Variants in RBM10 observed in about 807,000 individuals in gnomAD.
RBM10 encodes the protein RNA-binding protein 10.
Under a neutral mutation model 84.9 loss-of-function variants are expected in RBM10, and 1 was observed. That is an observed-to-expected ratio of 0.01 (90% CI 0.00 to 0.06). The LOEUF is 0.06. RBM10 is among the 10% of genes least tolerant of loss of function. The pLI, the probability that RBM10 is intolerant of heterozygous loss-of-function variation, is 1.00. For synonymous variants in RBM10, 326 were observed against 344.5 expected, an observed-to-expected ratio of 0.95 and a Z score of 0.60; for missense variants, 438 against 839.0, an observed-to-expected ratio of 0.52 and a Z score of 5.90.
At chrX:47,176,641 G>T (rs1429827123) in intron 7 of RBM10, 55 bp downstream of exon 7, 1 of 1,199,363 alleles carries the variant, frequency 8.3e-7, no homozygotes, top group Non-Finnish European at 1.1e-6. Context: ...CAGCAGTGGC[G>T]GCGATCTCTC....
intron 5 of RBM10, among the ~76,000 whole-genome samples, 186 bp from the exon 6 acceptor site, chrX:47,174,833 T>C (rs868930625): frequency 1.8e-4 from 20 of 109,160 alleles, no homozygotes; most frequent in Admixed American, 6.8e-4. Context: ...CACCTGGCCA[T>C]CTACCTTGCC....
At chrX:47,179,071 C>G (rs1556777392) in intron 7 of RBM10, 32 bp from the exon 8 acceptor site, 1 of 1,199,923 alleles carries the variant, frequency 8.3e-7, no homozygotes, top group Non-Finnish European at 1.1e-6. Context: ...GAAATCCCTG[C>G]TCCCTCTGAC....
At chrX:47,164,091 G>A (rs1933978713) in intron 2 of RBM10, among the ~76,000 whole-genome samples, 1 of 108,301 alleles carries the variant, frequency 9.2e-6, no homozygotes, top group Non-Finnish European at 1.9e-5. Flanking sequence ...GGATTGTCTC[G>A]ATCTCCTGAC....
rs782535776 is a variant in RBM10 at position 47,171,186 on chromosome X, T to TGAG, written c.373_375dup (p.Glu125dup). ...GGGAGGAGGAGGAGGAGGAGGAGGA[T>TGAG]GAGGAGGAGGAGGAGAAGGCCAGTA... On this transcript the variant is annotated inframe_insertion, in exon 4 of 24. Coordinates refer to ENST00000377604, the MANE Select transcript of RBM10 (RefSeq NM_005676.5). 4.2e-6 allele frequency: 5 copies of TGAG among 1,197,259 alleles called. No individual in the cohort carries two copies. The highest frequency in any genetic ancestry group is 2.4e-4 in the Middle Eastern group (1 of 4,157).
intron 2 of RBM10, among the ~76,000 whole-genome samples, chrX:47,160,003 G>A (rs1933541261): frequency 8.9e-6 from 1 of 111,991 alleles, no homozygotes; most frequent in African/African-American, 3.2e-5. Context: ...CAGGCGTGGT[G>A]GCGCATGCCT....
At chrX:47,186,424 C>G in intron 23 of RBM10, 37 bp downstream of exon 23, 1 of 1,199,630 alleles carries the variant, frequency 8.3e-7, no homozygotes, top group East Asian at 3.0e-5. Flanking sequence ...CCCCCAGCAC[C>G]CCTCACAGCA....
chrX:47,154,858 C>T (rs782336280), intron 2 of RBM10, among the ~76,000 whole-genome samples: 1 of 109,513 alleles, frequency 9.1e-6, no homozygotes, highest in South Asian at 4.0e-4. Flanking sequence ...GGTAGGGAAA[C>T]AATTTGGGGC....
At position 47,160,476 on chromosome X, in the gene RBM10, G is replaced by A. The variant is rs1342247983; in HGVS notation, c.18-8839G>A. On this transcript the variant is annotated intron_variant, in intron 2 of 23. Coordinates refer to ENST00000377604, the MANE Select transcript of RBM10 (RefSeq NM_005676.5). Reference sequence around the variant, plus strand: ...ATACTTCTCAAAAGATAACATACAAGTGGCCAACAAACATGAAAAAATGCT... The same window carrying A: ...ATACTTCTCAAAAGATAACATACAAATGGCCAACAAACATGAAAAAATGCT... Among the ~76,000 whole-genome samples, 3 of 111,466 alleles carry A rather than the reference G, an allele frequency of 2.7e-5. No homozygotes were observed. In the Admixed American group the frequency reaches 2.9e-4, roughly 11 times the overall value.
intron 10 of RBM10, 79 bp from the exon 11 acceptor site, chrX:47,180,133 C>T: frequency 5.1e-6 from 6 of 1,185,839 alleles, no homozygotes; most frequent in Admixed American, 2.2e-5. Context: ...ACCGCGGCTG[C>T]CAGCCTGGAA....
At chrX:47,149,504 G>T (rs782776115) in intron 2 of RBM10, among the ~76,000 whole-genome samples, 2 of 111,178 alleles carry the variant, frequency 1.8e-5, no homozygotes, top group Non-Finnish European at 3.8e-5. Flanking sequence ...GGGATTTCAG[G>T]CATGTGCCAC....
At chrX:47,155,450 G>A (rs1426722584) in intron 2 of RBM10, among the ~76,000 whole-genome samples, 1 of 110,287 alleles carries the variant, frequency 9.1e-6, no homozygotes, top group Non-Finnish European at 1.9e-5. Flanking sequence ...ATTTTACAAT[G>A]GGCCTGGTGC....
chrX:47,185,670 C>A (rs1556782096), intron 20 of RBM10, 40 bp downstream of exon 20: 1 of 1,209,297 alleles, frequency 8.3e-7, no homozygotes, highest in East Asian at 3.0e-5. Context: ...GGGGCCTGGC[C>A]CACTGAGGCT....
Position 47,145,417 on chromosome X carries a change from A to T in RBM10, c.-194A>T. ...GCTCCGGCTCCGGCTGAGCTGGGAG[A>T]GTTGGAGGAGGTGGCGGCGGGCAGA... is the stretch of plus-strand genomic sequence containing the variant. On this transcript the variant is annotated 5_prime_UTR_variant, in exon 1 of 24. Transcript: ENST00000377604. 8.7e-7 allele frequency: 1 copy of T among 1,147,819 alleles called. No homozygotes were observed. The highest frequency in any genetic ancestry group is 1.2e-6 in the Non-Finnish European group (1 of 867,434). 94.6% of individuals were successfully genotyped at this position (1,147,819 alleles called of 1,213,427 possible). A position where few individuals can be genotyped will look rare whatever the true frequency, so the allele number is the denominator to read the frequency against.
intron 2 of RBM10, among the ~76,000 whole-genome samples, chrX:47,149,223 A>G (rs921492019): frequency 3.6e-5 from 4 of 111,338 alleles, no homozygotes; most frequent in African/African-American, 1.3e-4. Flanking sequence ...GGGTGTCTCT[A>G]TGTTGCCCAG....
At chrX:47,149,086 TG>T (rs1203700982) in intron 2 of RBM10, among the ~76,000 whole-genome samples, 4 of 97,303 alleles carry the variant, frequency 4.1e-5, no homozygotes, top group Non-Finnish European at 3.8e-5. Context: ...TATGAAGTGT[TG>T]TTTTGAGTGA....
chrX:47,154,036 T>G (rs1390606389), intron 2 of RBM10, among the ~76,000 whole-genome samples: 4 of 111,169 alleles, frequency 3.6e-5, no homozygotes. Context: ...CCAGCCTCAG[T>G]GACAGAGTGA....
intron 2 of RBM10, among the ~76,000 whole-genome samples, chrX:47,159,910 G>A (rs913810406): frequency 8.0e-5 from 9 of 112,198 alleles, no homozygotes; most frequent in Non-Finnish European, 1.5e-4. Context: ...GGCCGAGGCA[G>A]GCGGATCACC....
rs782451536 is a variant in RBM10, at chrX:47,182,144, T to C, written c.1786-18T>C. On this transcript the variant is annotated intron_variant, in intron 16 of 23. Transcript: ENST00000377604. Reference sequence around the variant, plus strand: ...CAAGGTCTTCCCTCACATCCCCTCTTCCCTCCTCCTCCCTCAGTATTACTA... The same window carrying C: ...CAAGGTCTTCCCTCACATCCCCTCTCCCCTCCTCCTCCCTCAGTATTACTA... 1.7e-6 allele frequency: 2 copies of C among 1,210,639 alleles called. No individual in the cohort carries two copies. Among genetic ancestry groups the C allele is most frequent in the Non-Finnish European group, 1.1e-6 (1 of 895,248 alleles).
At position 47,154,613 on chromosome X, in the gene RBM10, G is replaced by A. The variant is rs185376958; in HGVS notation, c.17+7115G>A. 3.2e-3 allele frequency among the ~76,000 whole-genome samples: 351 copies of A among 108,474 alleles called. 2 individuals are homozygous for A. The highest frequency in any genetic ancestry group is 5.4e-3 in the Non-Finnish European group (282 of 52,311). 94.2% of individuals were successfully genotyped at this position (108,474 alleles called of 115,157 possible). A position where few individuals can be genotyped will look rare whatever the true frequency, so the allele number is the denominator to read the frequency against. ...ATTACAGGCCCGTGCCACCACACCCGGCTAATTTTTGTATTTTAGTAGAGA... is the reference window on the plus strand; with the variant it reads ...ATTACAGGCCCGTGCCACCACACCCAGCTAATTTTTGTATTTTAGTAGAGA... On this transcript the variant is annotated intron_variant, in intron 2 of 23. Transcript: ENST00000377604.
Sources: allele counts gnomAD v4.1 joint callset (sites outside exome capture counted in the v4.1 genomes callset), GRCh38; gene constraint gnomAD v4.1.1; transcripts MANE v1.5; gene names NCBI Gene and HGNC (gene_info 2026-07-23, HGNC 2026-07-21).